PRP4K: variants seen among roughly 807,000 people sequenced by gnomAD.
PRP4K encodes pre-mRNA processing factor kinase PRP4K.
chr6:4,055,231 A>G, the PRP4K span, among the ~76,000 whole-genome samples: 1 of 152,240 alleles, frequency 6.6e-6, no homozygotes, highest in Non-Finnish European at 1.5e-5. Flanking sequence ...ATGGATTCTA[A>G]TTTTAAAATG....
chr6:4,049,099 C>G, the PRP4K span: 10 of 1,607,464 alleles, frequency 6.2e-6, no homozygotes, highest in Admixed American at 1.5e-4. Flanking sequence ...ATGCAGAAGG[C>G]TATTATCGTA....
At chr6:4,029,493 AG>A in the PRP4K span, among the ~76,000 whole-genome samples, 1 of 151,178 alleles carries the variant, frequency 6.6e-6, no homozygotes, top group South Asian at 2.1e-4. Flanking sequence ...TTTTATTTTT[AG>A]TAAAGATGAG....
the PRP4K span, chr6:4,059,015 A>G: frequency 2.0e-6 from 1 of 488,038 alleles, no homozygotes; most frequent in South Asian, 3.0e-5. Flanking sequence ...TAATTAATTT[A>G]TTTTTATTAT....
chr6:4,040,945 C>A, the PRP4K span: 15 of 1,588,686 alleles, frequency 9.4e-6, no homozygotes, highest in Non-Finnish European at 1.3e-5. Flanking sequence ...TAGAACTTAC[C>A]CATAACTTTG....
the PRP4K span, chr6:4,056,299 C>T: frequency 6.5e-7 from 1 of 1,535,316 alleles, no homozygotes; most frequent in Non-Finnish European, 9.0e-7. Context: ...GAATTAAATT[C>T]CCTTGAAAAA....
At chr6:4,060,079 TAC>T in the PRP4K span, among the ~76,000 whole-genome samples, 1 of 152,220 alleles carries the variant, frequency 6.6e-6, no homozygotes, top group Non-Finnish European at 1.5e-5. The surrounding 1 kb of genome is among the most constrained non-coding windows in gnomAD (Gnocchi z 4.7). Context: ...AACCACAGCA[TAC>T]ACTCACACAC....
the PRP4K span, among the ~76,000 whole-genome samples, chr6:4,030,493 T>G: frequency 2.0e-5 from 3 of 152,226 alleles, no homozygotes; most frequent in African/African-American, 7.2e-5. Flanking sequence ...GATGGTTTAT[T>G]ATGGAGTAAC....
the PRP4K span, chr6:4,064,783 T>C: frequency 2.0e-5 from 3 of 152,634 alleles, no homozygotes; most frequent in Non-Finnish European, 2.9e-5. Context: ...TTAATTTTTC[T>C]TCTCCTTCTG....
At chr6:4,039,012 A>G in the PRP4K span, among the ~76,000 whole-genome samples, 7 of 151,422 alleles carry the variant, frequency 4.6e-5, no homozygotes, top group East Asian at 1.4e-3. Context: ...TTTTCTGGAA[A>G]TAGTATTTTC....
At chr6:4,022,269 C>T in the PRP4K span, among the ~76,000 whole-genome samples, 1 of 133,590 alleles carries the variant, frequency 7.5e-6, no homozygotes, top group East Asian at 2.2e-4. Context: ...TATAATTAAG[C>T]TAACATTAAG....
At chr6:4,021,549 G>C in the PRP4K span, 3 of 1,531,580 alleles carry the variant, frequency 2.0e-6, no homozygotes, top group Non-Finnish European at 2.7e-6. Context: ...GGAAAGTTCG[G>C]GCCTAACGGC....
chr6:4,052,249 G>C, the PRP4K span, among the ~76,000 whole-genome samples: 1 of 147,220 alleles, frequency 6.8e-6, no homozygotes, highest in Non-Finnish European at 1.5e-5. Flanking sequence ...TTAACAGCTA[G>C]TCTTTGTTGT....
the PRP4K span, chr6:4,042,711 G>C: frequency 6.7e-6 from 4 of 597,240 alleles, no homozygotes; most frequent in Non-Finnish European, 1.1e-5. Flanking sequence ...TTGAAAAAAT[G>C]ATCTTTTTTT....
At chr6:4,063,542 C>G in the PRP4K span, 1 of 152,068 alleles carries the variant, frequency 6.6e-6, no homozygotes, top group Non-Finnish European at 1.5e-5. Flanking sequence ...CCCAACTTAC[C>G]CTGTAGAAAC....
At chr6:4,050,907 G>A in the PRP4K span, among the ~76,000 whole-genome samples, 1 of 152,064 alleles carries the variant, frequency 6.6e-6, no homozygotes, top group South Asian at 2.1e-4. Context: ...TTGTTTGTTT[G>A]TTTGTTTGTT....
chr6:4,051,899 T>C, the PRP4K span: 16 of 1,160,266 alleles, frequency 1.4e-5, 1 homozygote, highest in South Asian at 2.6e-4. Context: ...ATACATTATT[T>C]AGTGCTCCTA....
the PRP4K span, chr6:4,049,905 C>CT: frequency 1.2e-6 from 2 of 1,611,834 alleles, no homozygotes. Context: ...GTGAGGAAAC[C>CT]TTTAACAGTA....
chr6:4,048,810 T>G, the PRP4K span, among the ~76,000 whole-genome samples: 1 of 151,980 alleles, frequency 6.6e-6, no homozygotes, highest in Non-Finnish European at 1.5e-5. Flanking sequence ...TTTTGTTTTT[T>G]TTTTTTAGTG....
At chr6:4,060,053 C>G in the PRP4K span, among the ~76,000 whole-genome samples, 2 of 152,226 alleles carry the variant, frequency 1.3e-5, no homozygotes, top group East Asian at 3.8e-4. This position sits in a 1 kb window ranked among gnomAD's most constrained non-coding sequence, Gnocchi z 4.7. Flanking sequence ...GATGATGATA[C>G]AGTCATGCGT....
Sources: allele counts gnomAD v4.1 joint callset (sites outside exome capture counted in the v4.1 genomes callset), GRCh38; gene constraint gnomAD v4.1.1; non-coding constraint Gnocchi (gnomAD v3.1); transcripts MANE v1.5; gene names NCBI Gene and HGNC (gene_info 2026-07-23, HGNC 2026-07-21).